Variants in NDE1 observed in about 807,000 individuals in gnomAD.
The protein encoded by NDE1 is nudE neurodevelopment protein 1, also known as nuclear distribution protein nudE homolog 1.
A neutral mutation model predicts 43.4 loss-of-function variants in NDE1; 28 were observed. The ratio of observed to expected loss-of-function variants is 0.65; its 90% CI spans 0.48 to 0.89. NDE1 has a LOEUF of 0.89. Ranked by LOEUF, NDE1 falls within the 40% of genes least tolerant of loss-of-function variation. The probability of loss-of-function intolerance (pLI) is 0.00; values close to 1 mark genes in which losing one functional copy is unlikely to be tolerated. For missense variants in NDE1, 441 were observed against 434.1 expected (o/e 1.02, Z -0.14); for synonymous variants, 184 against 172.0 (o/e 1.07, Z -0.55).
chr16:15,644,012 C>G (rs757264248), intron 1 of NDE1: 1 of 151,992 alleles, frequency 6.6e-6, no homozygotes, highest in Non-Finnish European at 1.5e-5. Context: ...CCACAATCTT[C>G]ACGTTTCCCT....
At chr16:15,696,675 A>G (rs762233889) in intron 7 of NDE1, 34 bp from the exon 8 acceptor site, 8 of 1,614,126 alleles carry the variant, frequency 5.0e-6, no homozygotes, top group South Asian at 1.1e-5. Flanking sequence ...GTCCTTGCCT[A>G]TAACTTGAGA....
chr16:15,692,156 T>C (rs1398183541), intron 6 of NDE1, among the ~76,000 whole-genome samples: 1 of 152,112 alleles, frequency 6.6e-6, no homozygotes, highest in Non-Finnish European at 1.5e-5. Flanking sequence ...AACAGACAGT[T>C]AAGGAGTGCT....
intron 3 of NDE1, among the ~76,000 whole-genome samples, chr16:15,676,150 C>T (rs1385617642): frequency 6.9e-6 from 1 of 145,366 alleles, no homozygotes; most frequent in Non-Finnish European, 1.6e-5. Context: ...CCCTTCCTCT[C>T]TCCTCTCTCT....
At chr16:15,663,360 C>T (rs896810134) in intron 1 of NDE1, among the ~76,000 whole-genome samples, 3 of 151,798 alleles carry the variant, frequency 2.0e-5, no homozygotes, top group Non-Finnish European at 4.4e-5. Flanking sequence ...CCGCCTCAGT[C>T]TCCTGAGTAG....
intron 1 of NDE1, among the ~76,000 whole-genome samples, 153 bp downstream of exon 1, chr16:15,650,447 C>G (rs962648266): frequency 1.3e-5 from 2 of 152,224 alleles, no homozygotes; most frequent in South Asian, 4.1e-4. Context: ...CGTCGCTTCC[C>G]GGCCGCCTGG....
At chr16:15,702,136 C>A (rs935994183) in intron 8 of NDE1, 4 of 152,190 alleles carry the variant, frequency 2.6e-5, no homozygotes, top group Non-Finnish European at 5.9e-5. Context: ...TCCTTTGTTT[C>A]CATGTTTCCT....
intron 4 of NDE1, among the ~76,000 whole-genome samples, chr16:15,678,873 G>A (rs1421168679): frequency 6.6e-6 from 1 of 151,988 alleles, no homozygotes; most frequent in South Asian, 2.1e-4. Context: ...TCAGGAGATC[G>A]AGACCATCCT....
At chr16:15,660,920 G>A (rs1324426860) in intron 1 of NDE1, among the ~76,000 whole-genome samples, 1 of 151,892 alleles carries the variant, frequency 6.6e-6, no homozygotes, top group Non-Finnish European at 1.5e-5. Context: ...TCCAATATTG[G>A]CATTCTTCAC....
chr16:15,689,773 C>T (rs1030900571), intron 5 of NDE1, among the ~76,000 whole-genome samples: 2 of 151,848 alleles, frequency 1.3e-5, no homozygotes, highest in African/African-American at 4.8e-5. Flanking sequence ...AACCCTGTGT[C>T]TACTAAAAAT....
intron 1 of NDE1, among the ~76,000 whole-genome samples, chr16:15,645,203 G>A (rs2036307903): frequency 6.6e-6 from 1 of 152,212 alleles, no homozygotes; most frequent in East Asian, 1.9e-4. Context: ...CTGAGCCAAC[G>A]AGCTTGACCA....
At chr16:15,684,772 T>G (rs1229470569) in intron 4 of NDE1, among the ~76,000 whole-genome samples, 1 of 152,208 alleles carries the variant, frequency 6.6e-6, no homozygotes, top group East Asian at 1.9e-4. Flanking sequence ...GAACCTGCCA[T>G]CTTTTTACCA....
At chr16:15,658,645 C>A (rs1307215955) in intron 1 of NDE1, among the ~76,000 whole-genome samples, 3 of 152,138 alleles carry the variant, frequency 2.0e-5, no homozygotes. Context: ...CTTTATATGA[C>A]ATTTATTTAT....
At chr16:15,646,193 G>C (rs1596531397), upstream of NDE1, among the ~76,000 whole-genome samples, 1 of 152,172 alleles carries the variant, frequency 6.6e-6, no homozygotes, top group East Asian at 1.9e-4. Context: ...GGCAACACCA[G>C]TACCTCATCA....
intron 8 of NDE1, among the ~76,000 whole-genome samples, chr16:15,715,957 C>T (rs1354010012): frequency 1.3e-5 from 2 of 152,088 alleles, no homozygotes; most frequent in East Asian, 3.9e-4. Flanking sequence ...GAAACCCCAT[C>T]CCTACTAAAA....
intron 1 of NDE1, chr16:15,644,037 T>C (rs1542863): frequency 6.6e-6 from 1 of 151,918 alleles, no homozygotes; most frequent in Non-Finnish European, 1.5e-5. Flanking sequence ...TAAAAAAAAA[T>C]TTAAGACTCA....
At chr16:15,704,254 C>A (rs1019546046) in intron 8 of NDE1, 15 of 973,306 alleles carry the variant, frequency 1.5e-5, no homozygotes, top group Non-Finnish European at 2.3e-5. Context: ...GCAGAAAACA[C>A]ACACGGCACA....
chr16:15,701,235 T>TC (rs1248557135), intron 8 of NDE1: 4 of 77,342 alleles, frequency 5.2e-5, no homozygotes, highest in Non-Finnish European at 1.0e-4. Context: ...AGACTCCGTC[T>TC]CCAAAAAAAA....
intron 8 of NDE1, chr16:15,711,297 C>T (rs1208355972): frequency 6.6e-6 from 1 of 152,166 alleles, no homozygotes; most frequent in Non-Finnish European, 1.5e-5. Context: ...AAGTCATTTC[C>T]TTTCCAACTC....
At chr16:15,707,952 T>C (rs1596672426) in intron 8 of NDE1, among the ~76,000 whole-genome samples, 2 of 104,126 alleles carry the variant, frequency 1.9e-5, no homozygotes, top group East Asian at 2.8e-4. Context: ...AGAGCGAGAC[T>C]CCGTCTCAAA....
Sources: allele counts gnomAD v4.1 joint callset (sites outside exome capture counted in the v4.1 genomes callset), GRCh38; gene constraint gnomAD v4.1.1; transcripts MANE v1.5; gene names NCBI Gene and HGNC (gene_info 2026-07-23, HGNC 2026-07-21).